ZNF775: variants seen among roughly 807,000 people sequenced by gnomAD.
ZNF775 encodes zinc finger protein 775.
Under a neutral mutation model 2.4 loss-of-function variants are expected in ZNF775, and 1 was observed. That is an observed-to-expected ratio of 0.41 (90% CI 0.15 to 1.94). The LOEUF (loss-of-function observed/expected upper bound fraction) is 1.94, where lower values mean the gene tolerates loss of function less well. Ranked by LOEUF, ZNF775 falls within the 30% of genes most tolerant of loss-of-function variation. The pLI, the probability that ZNF775 is intolerant of heterozygous loss-of-function variation, is 0.30. For synonymous variants in ZNF775, 381 were observed against 373.3 expected, an observed-to-expected ratio of 1.02 and a Z score of -0.24; for missense variants, 823 against 826.6, an observed-to-expected ratio of 1.00 and a Z score of 0.05.
At position 150,384,467 on chromosome 7, in the gene ZNF775, A is replaced by G. The variant is rs1324654790; in HGVS notation, c.-49-3955A>G. On this transcript the variant is annotated intron_variant, in intron 1 of 2. Transcript: ENST00000329630. This position sits in a 1 kb window ranked among gnomAD's most constrained non-coding sequence, Gnocchi z 4.1. ...AGAGCAGAGTGAAAGGCAGAATAGG[A>G]GAGAAGCTTAGGGTGGGGACGTGTG... 6.6e-6 allele frequency among the ~76,000 whole-genome samples: 1 copy of G among 152,138 alleles called. No homozygotes were observed. Among genetic ancestry groups the G allele is most frequent in the Non-Finnish European group, 1.5e-5 (1 of 68,014 alleles).
At chr7:150,394,413 C>G (rs907562111) in intron 2 of ZNF775, among the ~76,000 whole-genome samples, 1 of 152,222 alleles carries the variant, frequency 6.6e-6, no homozygotes, top group African/African-American at 2.4e-5. Flanking sequence ...GCAGCTTCCT[C>G]TCCTTTCCAA....
chr7:150,383,300 G>A (rs973849333), intron 1 of ZNF775, among the ~76,000 whole-genome samples: 2 of 152,306 alleles, frequency 1.3e-5, no homozygotes, highest in African/African-American at 4.8e-5. Flanking sequence ...GAAGACTGGA[G>A]CCTGAGGAGC....
intron 2 of ZNF775, among the ~76,000 whole-genome samples, chr7:150,394,119 T>G (rs1407891149): frequency 6.6e-6 from 1 of 152,278 alleles, no homozygotes; most frequent in Non-Finnish European, 1.5e-5. Flanking sequence ...TACACTGAAT[T>G]TAAACATTAT....
Position 150,388,501 on chromosome 7 carries a change from G to GCTT in ZNF775, c.31_31+1insCTT (p.Gly11delinsAlaTer). 6.4e-7 allele frequency: 1 copy of GCTT among 1,551,872 alleles called. No homozygotes were observed. Among genetic ancestry groups the GCTT allele is most frequent in the Non-Finnish European group, 8.7e-7 (1 of 1,147,086 alleles). On this transcript the variant is annotated stop_gained and protein_altering_variant and splice_region_variant. Coordinates refer to ENST00000329630, the MANE Select transcript of ZNF775 (RefSeq NM_173680.4). LOFTEE classifies it high-confidence loss of function. ...GAGTGGCCTGGCTGGCAACGGCACAGGTAAGAGAGAAGAAAGAGGAGGCAG... is the reference window on the plus strand; with the variant it reads ...GAGTGGCCTGGCTGGCAACGGCACAGCTTGTAAGAGAGAAGAAAGAGGAGGCAG...
chr7:150,391,873 G>A (rs1204018719), intron 2 of ZNF775, among the ~76,000 whole-genome samples: 5 of 151,696 alleles, frequency 3.3e-5, no homozygotes, highest in African/African-American at 9.7e-5. Context: ...TACCACACCC[G>A]GCTAATTGTT....
In ZNF775 at chr7:150,382,252, G is replaced by A. The variant is rs59787953; in HGVS notation, c.-50+2860G>A. 0.069 allele frequency among the ~76,000 whole-genome samples: 10,551 copies of A among 152,180 alleles called. 397 individuals are homozygous for A. Among genetic ancestry groups the A allele is most frequent in the South Asian group, 0.083 (399 of 4,828 alleles). ...TGGCTTAGGAGGAGTGAGTGGCAGC[G>A]GGGACGCTGGCAGAGAGGCTTGTAC... On this transcript the variant is annotated intron_variant, in intron 1 of 2. Transcript: ENST00000329630. This position sits in a 1 kb window ranked among gnomAD's most constrained non-coding sequence, Gnocchi z 4.6.
intron 2 of ZNF775, among the ~76,000 whole-genome samples, chr7:150,389,460 A>G (rs1235957234): frequency 6.6e-6 from 1 of 152,252 alleles, no homozygotes; most frequent in African/African-American, 2.4e-5. Context: ...GAGCCTAGCC[A>G]TGCAGCTGCG....
chr7:150,398,023 G>A lies in ZNF775; in HGVS notation c.1542G>A (p.Lys514=). The change falls in exon 3 of 3, where the codon AAG becomes AAA. Residue 514 remains lysine (K), a synonymous_variant. Coordinates refer to ENST00000329630, the MANE Select transcript of ZNF775 (RefSeq NM_173680.4). The part of the protein sequence containing the change: ...CPACGRGFSQ[K]QHLLKHQRVH... Reference sequence around the variant, plus strand: ...CCTGCGGCCGCGGCTTCAGCCAGAAGCAGCACCTGCTCAAGCACCAGCGCG... The same window carrying A: ...CCTGCGGCCGCGGCTTCAGCCAGAAACAGCACCTGCTCAAGCACCAGCGCG... 1.9e-6 allele frequency: 3 copies of A among 1,580,732 alleles called. No homozygotes were observed. Among genetic ancestry groups the A allele is most frequent in the African/African-American group, 1.3e-5 (1 of 74,542 alleles).
At position 150,398,120 on chromosome 7, in the gene ZNF775, G is replaced by C. The variant is rs988678450; in HGVS notation, c.*25G>C. ...GTGGACTGGACCTCAGCGGACCCGT[G>C]GTGGTGCGGGGGATGTTTGCGGGGT... On this transcript the variant is annotated 3_prime_UTR_variant, in exon 3 of 3. Transcript: ENST00000329630. 2.0e-6 allele frequency: 3 copies of C among 1,535,416 alleles called. No homozygotes were observed. The highest frequency in any genetic ancestry group is 2.7e-5 in the African/African-American group (2 of 72,842).
chr7:150,397,717 G>C lies in ZNF775; in HGVS notation c.1236G>C (p.Leu412Phe). The stretch of plus-strand genomic sequence containing the variant: ...CGCAGGCCGAGGCCATCCCGGGCTT[G>C]GCCGCGAGGCCGCGGAGCTCCCAAC... ...DQPQAEAIPG[L>F]AARPRSSQRS... The change falls in exon 3 of 3, where the codon TTG (leucine) becomes TTC (phenylalanine). Residue 412 changes from leucine (L) to phenylalanine (F), a missense_variant. Transcript: ENST00000329630. 7.1e-7 allele frequency: 1 copy of C among 1,407,438 alleles called. No individual in the cohort carries two copies. Among genetic ancestry groups the C allele is most frequent in the Non-Finnish European group, 9.2e-7 (1 of 1,090,478 alleles). The allele number at this position is 1,407,438 out of a possible 1,614,324, so 87.2% of individuals were successfully genotyped here.
chr7:150,382,498 C>T lies in ZNF775; in HGVS notation c.-50+3106C>T, dbSNP rs1488519955. Among the ~76,000 whole-genome samples the T allele has an allele frequency of 6.6e-6, 1 of 152,072 alleles. No individual in the cohort carries two copies. The highest frequency in any genetic ancestry group is 2.4e-5 in the African/African-American group (1 of 41,396). Reference sequence around the variant, plus strand: ...GAGGGGAGGGACCAGGAAGGGTGGCCTTGAGAAGGACATCCCTGCCAGCCT... The same window carrying T: ...GAGGGGAGGGACCAGGAAGGGTGGCTTTGAGAAGGACATCCCTGCCAGCCT... On this transcript the variant is annotated intron_variant, in intron 1 of 2. Transcript: ENST00000329630. This position sits in a 1 kb window ranked among gnomAD's most constrained non-coding sequence, Gnocchi z 4.6.
rs866137098 is a variant in ZNF775, at chr7:150,386,846, C to T, written c.-49-1576C>T. On this transcript the variant is annotated intron_variant, in intron 1 of 2. Coordinates refer to ENST00000329630, the MANE Select transcript of ZNF775 (RefSeq NM_173680.4). ...GCCACCTGCATTTGTTACGGGCCCTCTGTGTGCCCGGCTCTGCTCTGAGCC... is the reference window on the plus strand; with the variant it reads ...GCCACCTGCATTTGTTACGGGCCCTTTGTGTGCCCGGCTCTGCTCTGAGCC... 1.9e-4 allele frequency among the ~76,000 whole-genome samples: 29 copies of T among 152,308 alleles called. 1 individual carries two copies. The highest frequency in any genetic ancestry group is 1.8e-3 in the Admixed American group (27 of 15,310).
At chr7:150,381,916 A>C (rs1166413547) in intron 1 of ZNF775, among the ~76,000 whole-genome samples, 1 of 136,650 alleles carries the variant, frequency 7.3e-6, no homozygotes, top group Non-Finnish European at 1.6e-5. Flanking sequence ...CCTTGTGCTG[A>C]GTGGGATCCG....
chr7:150,388,618 C>A, intron 2 of ZNF775, 117 bp downstream of exon 2: 1 of 1,132,820 alleles, frequency 8.8e-7, no homozygotes, highest in Non-Finnish European at 1.3e-6. Context: ...CTAGTACATC[C>A]CACTGATGCA....
chr7:150,384,245 C>T lies in ZNF775; in HGVS notation c.-49-4177C>T, dbSNP rs1328325600. ...GAGGAAAGGTGGTCCGGTAGGGGCC[C>T]GGGGGCCCTTGTGCGATAGACAAAG... On this transcript the variant is annotated intron_variant, in intron 1 of 2. Transcript: ENST00000329630. This position sits in a 1 kb window ranked among gnomAD's most constrained non-coding sequence, Gnocchi z 4.1. Among the ~76,000 whole-genome samples the T allele has an allele frequency of 2.0e-5, 3 of 152,218 alleles. No homozygotes were observed. Among genetic ancestry groups the T allele is most frequent in the South Asian group, 2.1e-4 (1 of 4,834 alleles).
At chr7:150,387,376 G>A (rs1313816220) in intron 1 of ZNF775, among the ~76,000 whole-genome samples, 1 of 152,078 alleles carries the variant, frequency 6.6e-6, no homozygotes, top group African/African-American at 2.4e-5. Flanking sequence ...TAGAAGTGTG[G>A]GGGGCAAGCC....
rs1800375386 is a variant in ZNF775, at chr7:150,382,152, C to T, written c.-50+2760C>T. 6.6e-6 allele frequency among the ~76,000 whole-genome samples: 1 copy of T among 152,072 alleles called. No individual in the cohort carries two copies. Among genetic ancestry groups the T allele is most frequent in the Admixed American group, 6.5e-5 (1 of 15,276 alleles). ...CAGAGCCGTGGCAAACCCTCTTCCT[C>T]CTGCATGGTGGAGCGTGGAGGCTCC... is the stretch of plus-strand genomic sequence containing the variant. On this transcript the variant is annotated intron_variant, in intron 1 of 2. Coordinates refer to ENST00000329630, the MANE Select transcript of ZNF775 (RefSeq NM_173680.4). The surrounding 1 kb of genome is among the most constrained non-coding windows in gnomAD (Gnocchi z 4.6).
chr7:150,393,984 A>C (rs916211605), intron 2 of ZNF775, among the ~76,000 whole-genome samples: 1 of 152,188 alleles, frequency 6.6e-6, no homozygotes, highest in African/African-American at 2.4e-5. Context: ...CTAGCCATTC[A>C]TATGTGTACA....
Position 150,397,266 on chromosome 7 carries a change from A to C in ZNF775, c.785A>C (p.Gln262Pro). Residue 262 changes from glutamine to proline, a missense_variant, in exon 3 of 3, where the codon CAG becomes CCG. Gln to Pro is a moderately conservative substitution (Grantham distance 76, BLOSUM62 -1). Transcript: ENST00000329630. ...GGGCTCTGCCAGGGCTGGTGGGGCCAGCCCGGGGCCCGGGCCGCGGTCTCC... is the reference window on the plus strand; with the variant it reads ...GGGCTCTGCCAGGGCTGGTGGGGCCCGCCCGGGGCCCGGGCCGCGGTCTCC... ...WLGLCQGWWG[Q>P]PGARAAVSGP... 7.2e-7 allele frequency: 1 copy of C among 1,397,410 alleles called. No individual in the cohort carries two copies. The highest frequency in any genetic ancestry group is 9.3e-7 in the Non-Finnish European group (1 of 1,076,406). The allele number at this position is 1,397,410 out of a possible 1,614,324, so 86.6% of individuals were successfully genotyped here.
Sources: gnomAD v4.1 joint callset for allele counts (sites outside exome capture counted in the v4.1 genomes callset) on GRCh38, gnomAD v4.1.1 for gene constraint, Gnocchi (gnomAD v3.1) non-coding constraint, MANE v1.5 for transcripts, NCBI Gene and HGNC (gene_info 2026-07-23, HGNC 2026-07-21) for gene names.